Variants in MBD5 observed in about 807,000 individuals in gnomAD.
MBD5 encodes methyl-CpG-binding domain protein 5.
Under a neutral mutation model 117.3 loss-of-function variants are expected in MBD5, and 13 were observed. The observed-to-expected ratio is 0.11, with a 90% CI of 0.07 to 0.18. The LOEUF (loss-of-function observed/expected upper bound fraction) is 0.18, where lower values mean the gene tolerates loss of function less well. MBD5 is among the 10% of genes least tolerant of loss of function. The pLI is 1.00. For missense variants in MBD5, 1,879 were observed against 2,093.8 expected (o/e 0.90, Z 2.00); for synonymous variants, 727 against 766.4 (o/e 0.95, Z 0.85).
At chr2:148,326,964 G>T (rs1229158779) in intron 3 of MBD5, among the ~76,000 whole-genome samples, 13 of 151,636 alleles carry the variant, frequency 8.6e-5, no homozygotes, top group African/African-American at 1.5e-4. Context: ...TGATTTTGCA[G>T]CGGCTGGTAC....
At chr2:148,119,308 C>T (rs548175955) in intron 1 of MBD5, among the ~76,000 whole-genome samples, 6 of 152,200 alleles carry the variant, frequency 3.9e-5, no homozygotes, top group Admixed American at 6.5e-5. Context: ...ACATTTATAA[C>T]TTCTTTGGAG....
chr2:148,438,158 G>A (rs962730325), intron 4 of MBD5, among the ~76,000 whole-genome samples: 2 of 152,164 alleles, frequency 1.3e-5, no homozygotes, highest in Admixed American at 1.3e-4. Context: ...ATGCAAAGAC[G>A]AAATACATAG....
intron 1 of MBD5, chr2:148,044,619 C>T (rs1573946875): frequency 1.3e-5 from 2 of 152,094 alleles, no homozygotes; most frequent in East Asian, 3.9e-4. Flanking sequence ...TCAGAAATAC[C>T]TTTTCTGTGT....
intron 2 of MBD5, among the ~76,000 whole-genome samples, chr2:148,222,026 C>T (rs1039444225): frequency 5.3e-5 from 8 of 152,036 alleles, no homozygotes; most frequent in East Asian, 3.9e-4. Flanking sequence ...GTCTTTTCCA[C>T]GGTGTATGTT....
chr2:148,072,272 A>G (rs1429121905), intron 1 of MBD5, among the ~76,000 whole-genome samples: 1 of 152,198 alleles, frequency 6.6e-6, no homozygotes, highest in Non-Finnish European at 1.5e-5. Context: ...TCTGCATAGT[A>G]AAAATGAATC....
intron 3 of MBD5, among the ~76,000 whole-genome samples, chr2:148,270,483 G>T (rs1700959051): frequency 6.6e-6 from 1 of 151,384 alleles, no homozygotes; most frequent in South Asian, 2.1e-4. Flanking sequence ...CAGCCTCCAG[G>T]GTTCAAGCGA....
intron 1 of MBD5, among the ~76,000 whole-genome samples, chr2:148,097,982 G>C (rs182640600): frequency 8.5e-5 from 13 of 152,314 alleles, no homozygotes; most frequent in Non-Finnish European, 1.5e-4. Context: ...CAGTCCTGAA[G>C]GACTTTATAA....
chr2:148,164,648 A>G (rs984262992), intron 1 of MBD5, among the ~76,000 whole-genome samples: 9 of 152,152 alleles, frequency 5.9e-5, no homozygotes, highest in African/African-American at 2.2e-4. Flanking sequence ...GGCATAATTG[A>G]GAATTTCTTC....
At chr2:148,270,421 C>A (rs1158908647) in intron 3 of MBD5, among the ~76,000 whole-genome samples, 2 of 145,366 alleles carry the variant, frequency 1.4e-5, no homozygotes, top group Non-Finnish European at 3.0e-5. Flanking sequence ...GACAGTCTAA[C>A]CCTGTCACCC....
At chr2:148,228,471 A>G (rs1316057144) in intron 2 of MBD5, among the ~76,000 whole-genome samples, 2 of 152,162 alleles carry the variant, frequency 1.3e-5, no homozygotes, top group Non-Finnish European at 2.9e-5. Context: ...CCACTTGATC[A>G]TGGTGGATAA....
chr2:148,064,854 T>C (rs1695142526), intron 1 of MBD5, among the ~76,000 whole-genome samples: 1 of 152,180 alleles, frequency 6.6e-6, no homozygotes, highest in Admixed American at 6.5e-5. Context: ...AACAGAATAA[T>C]TACAATCTTG....
intron 4 of MBD5, 138 bp from the exon 5 acceptor site, chr2:148,458,065 G>C (rs1706939953): frequency 2.6e-6 from 1 of 388,640 alleles, no homozygotes; most frequent in South Asian, 1.4e-4. Context: ...GAAACAACTT[G>C]AATTTGACGT....
At chr2:148,170,732 G>GT (rs1440747505) in intron 1 of MBD5, among the ~76,000 whole-genome samples, 1 of 152,078 alleles carries the variant, frequency 6.6e-6, no homozygotes, top group Non-Finnish European at 1.5e-5. Context: ...AGTAGAAAGC[G>GT]TATTTTCTTT....
At chr2:148,231,757 GA>G (rs1374672949) in intron 2 of MBD5, among the ~76,000 whole-genome samples, 2 of 152,154 alleles carry the variant, frequency 1.3e-5, no homozygotes, top group Non-Finnish European at 2.9e-5. Flanking sequence ...AAGGGTAGGA[GA>G]TGTTGCATAA....
intron 4 of MBD5, among the ~76,000 whole-genome samples, chr2:148,401,739 G>A (rs1194617628): frequency 6.6e-6 from 1 of 152,054 alleles, no homozygotes. Context: ...AGTATTGTTA[G>A]CTAAAGGCTT....
intron 1 of MBD5, chr2:148,071,648 A>G (rs899310246): frequency 6.6e-6 from 1 of 152,198 alleles, no homozygotes; most frequent in African/African-American, 2.4e-5. Context: ...CATTAAAAGA[A>G]AAGATATTTG....
chr2:148,253,393 A>G (rs150619312), intron 3 of MBD5, among the ~76,000 whole-genome samples: 40 of 152,292 alleles, frequency 2.6e-4, no homozygotes, highest in African/African-American at 9.4e-4. Flanking sequence ...GATAATGGAG[A>G]CAGAGAAGCA....
chr2:148,438,498 C>T (rs939910185), intron 4 of MBD5, among the ~76,000 whole-genome samples: 27 of 152,170 alleles, frequency 1.8e-4, no homozygotes, highest in African/African-American at 5.8e-4. Context: ...AACAATTTCA[C>T]AGATCTCTTC....
At chr2:148,498,756 G>A (rs1681782508) in intron 11 of MBD5, among the ~76,000 whole-genome samples, 1 of 152,192 alleles carries the variant, frequency 6.6e-6, no homozygotes, top group Admixed American at 6.5e-5. Context: ...AGGTCCCACT[G>A]TGCTGACACC....
Sources: gnomAD v4.1 joint callset for allele counts (sites outside exome capture counted in the v4.1 genomes callset) on GRCh38, gnomAD v4.1.1 for gene constraint, MANE v1.5 for transcripts, NCBI Gene and HGNC (gene_info 2026-07-23, HGNC 2026-07-21) for gene names.